IRF3: variants seen among roughly 807,000 people sequenced by gnomAD.
IRF3 encodes interferon regulatory factor 3.
A neutral mutation model predicts 43.2 loss-of-function variants in IRF3; 29 were observed. That is an observed-to-expected ratio of 0.67 (90% confidence interval 0.50 to 0.91). IRF3 has a LOEUF of 0.91. Ranked by LOEUF, IRF3 falls within the 40% of genes least tolerant of loss-of-function variation. The probability of loss-of-function intolerance (pLI) is 0.00; values close to 1 mark genes in which losing one functional copy is unlikely to be tolerated. For synonymous variants in IRF3, 228 were observed against 233.9 expected, an observed-to-expected ratio of 0.97 and a Z score of 0.23; for missense variants, 505 against 559.1, an observed-to-expected ratio of 0.90 and a Z score of 0.98.
At chr19:49,660,674 C>A (rs556869973) in intron 7 of IRF3, 39 bp downstream of exon 7, 1 of 1,518,960 alleles carries the variant, frequency 6.6e-7, no homozygotes, top group Non-Finnish European at 8.8e-7. Context: ...CTCTGTAAGG[C>A]CACCCCTTTC....
At position 49,660,693 on chromosome 19, in the gene IRF3, G is replaced by C. The variant is rs368175927; in HGVS notation, c.1098+20C>G. ...GTAAGGCCACCCCTTTCAGCCCCAG[G>C]GACTCAGGTCTGCAGGCACCTTGAC... On this transcript the variant is annotated intron_variant, in intron 7 of 7. Coordinates refer to ENST00000377139, the MANE Select transcript of IRF3 (RefSeq NM_001571.6). 102 of 1,564,178 alleles carry C rather than the reference G, an allele frequency of 6.5e-5. No individual in the cohort carries two copies. Among genetic ancestry groups the C allele is most frequent in the Non-Finnish European group, 8.4e-5 (97 of 1,155,194 alleles).
intron 4 of IRF3, 83 bp from the exon 5 acceptor site, chr19:49,662,700 A>C: frequency 8.7e-7 from 1 of 1,154,884 alleles, no homozygotes; most frequent in Non-Finnish European, 1.2e-6. Flanking sequence ...GTTCTCAGCA[A>C]CGCAGGGAGG....
Position 49,659,836 on chromosome 19 carries a change from G to A in IRF3, c.1099-3C>T, listed in dbSNP as rs1434335377. ...GCCCTGAGGCACGTGGGCACAACCT[G>A]CAGGGGAAGTGGGGACAGGAGTCAG... On this transcript the variant is annotated splice_region_variant and splice_polypyrimidine_tract_variant and intron_variant, in intron 7 of 7. Coordinates refer to ENST00000377139, the MANE Select transcript of IRF3 (RefSeq NM_001571.6). 2 of 1,576,948 alleles carry A rather than the reference G, an allele frequency of 1.3e-6. No homozygotes were observed. Among genetic ancestry groups the A allele is most frequent in the African/African-American group, 1.3e-5 (1 of 74,356 alleles).
chr19:49,661,216 C>T (rs1015498873), intron 6 of IRF3, among the ~76,000 whole-genome samples: 2 of 152,230 alleles, frequency 1.3e-5, no homozygotes, highest in Admixed American at 6.5e-5. Context: ...AAACGAATCA[C>T]GTCCTGGTTG....
chr19:49,665,273 A>G (rs2081624604), intron 1 of IRF3: 1 of 179,480 alleles, frequency 5.6e-6, no homozygotes, highest in Admixed American at 5.6e-5. Context: ...CCCCTACAGA[A>G]GATCTCCCAA....
rs141262713 is a variant in IRF3 at position 49,662,081 on chromosome 19, G to C, written c.849C>G (p.Ala283=). The C allele has an allele frequency of 8.7e-6, 14 of 1,613,790 alleles. No homozygotes were observed. In the African/African-American group the frequency reaches 1.3e-4, roughly 15 times the overall value. ...ALWRAGQWLW[A]QRLGHCHTYW... is the part of the protein sequence containing the mutation. Reference sequence around the variant, plus strand: ...ATGTGTGGCAGTGCCCCAGCCGCTGGGCCCAGAGCCACTGCCCGGCCCGCC... The same window carrying C: ...ATGTGTGGCAGTGCCCCAGCCGCTGCGCCCAGAGCCACTGCCCGGCCCGCC... The change falls in exon 6 of 8, where the codon GCC becomes GCG. Residue 283 remains alanine (A), a synonymous_variant. Coordinates refer to ENST00000377139, the MANE Select transcript of IRF3 (RefSeq NM_001571.6).
At chr19:49,661,745 A>G (rs979156237) in intron 6 of IRF3, 6 of 601,072 alleles carry the variant, frequency 1.0e-5, no homozygotes, top group Admixed American at 5.7e-5. Flanking sequence ...ACGCCCGACT[A>G]TTTTTTTGTA....
chr19:49,661,210 G>A (rs868710419), intron 6 of IRF3, among the ~76,000 whole-genome samples: 7 of 152,206 alleles, frequency 4.6e-5, no homozygotes, highest in African/African-American at 1.7e-4. Flanking sequence ...CAATTAAAAC[G>A]AATCACGTCC....
At chr19:49,662,822 G>A (rs1205434679) in intron 4 of IRF3, among the ~76,000 whole-genome samples, 2 of 152,202 alleles carry the variant, frequency 1.3e-5, no homozygotes, top group Non-Finnish European at 2.9e-5. Flanking sequence ...TCCAACCCAA[G>A]GATCTGGCTC....
rs2081194296 is a variant in IRF3 at position 49,659,733 on chromosome 19, G to A, written c.1199C>T (p.Pro400Leu). The change falls in exon 8 of 8, where the codon CCA becomes CTA. Residue 400 changes from proline to leucine, a missense_variant. Pro to Leu is a moderately conservative substitution (Grantham distance 98). Transcript: ENST00000377139. ...GTACTGGTCGGAGGTGAGGGAGAGT[G>A]GGTGGCTGTTGGAAATGTGCAGGTC... Reference protein sequence around the residue: ...TVDLHISNSHPLSLTSDQYKA... With the variant: ...TVDLHISNSHLLSLTSDQYKA... 1.9e-6 allele frequency: 3 copies of A among 1,613,910 alleles called. No individual in the cohort carries two copies. Among genetic ancestry groups the A allele is most frequent in the African/African-American group, 2.7e-5 (2 of 74,986 alleles).
chr19:49,665,008 C>G (rs778725840), intron 1 of IRF3, 162 bp from the exon 2 acceptor site: 28 of 710,372 alleles, frequency 3.9e-5, no homozygotes, highest in Non-Finnish European at 5.9e-5. Context: ...TCCTCCCATC[C>G]TCCCGAGAGG....
Position 49,662,379 on chromosome 19 carries a change from G to A in IRF3, c.601+46C>T, listed in dbSNP as rs768695850. 6.2e-6 allele frequency: 10 copies of A among 1,601,264 alleles called. No individual in the cohort carries two copies. In the Middle Eastern group the frequency reaches 6.6e-4, roughly 106 times the overall value. ...AGGGGAGAGGGGTTGAGAATCAGGG[G>A]CTGCCGCCCAGACCTCAGCCCTCCC... On this transcript the variant is annotated intron_variant, in intron 5 of 7. Coordinates refer to ENST00000377139, the MANE Select transcript of IRF3 (RefSeq NM_001571.6).
At chr19:49,664,550 C>T in intron 2 of IRF3, 124 bp downstream of exon 2, 1 of 1,604,198 alleles carries the variant, frequency 6.2e-7, no homozygotes. Flanking sequence ...TAGCCCCACC[C>T]ACCAGCGTTG....
Position 49,662,140 on chromosome 19 carries a change from C to T in IRF3, c.790G>A (p.Val264Met), listed in dbSNP as rs1389871899. The T allele has an allele frequency of 2.5e-6, 4 of 1,614,106 alleles. No individual in the cohort carries two copies. The highest frequency in any genetic ancestry group is 2.5e-6 in the Non-Finnish European group (3 of 1,179,988). ...DRGVMSYVRH[V>M]LSCLGGGLAL... ...AGTCCCCCACCCAGGCAGCTCAGCA[C>T]ATGCCTCACGTAGCTCATCACTCCC... Residue 264 changes from valine to methionine, a missense_variant, in exon 6 of 8, where the codon GTG becomes ATG. Coordinates refer to ENST00000377139, the MANE Select transcript of IRF3 (RefSeq NM_001571.6).
In IRF3 at chr19:49,663,362, G is replaced by C. The variant is rs1403849112; in HGVS notation, c.318C>G (p.Ile106Met). Residue 106 changes from isoleucine to methionine, a missense_variant, in exon 3 of 8, where the codon ATC (isoleucine) becomes ATG (methionine). Coordinates refer to ENST00000377139, the MANE Select transcript of IRF3 (RefSeq NM_001571.6). ...RSKDPHDPHK[I>M]YEFVNSGVGD... The stretch of plus-strand genomic sequence containing the variant: ...GCAGACCTGAGTTCACAAACTCGTA[G>C]ATTTTATGTGGGTCGTGAGGGTCCT... The C allele has an allele frequency of 6.2e-7, 1 of 1,614,220 alleles. No individual in the cohort carries two copies.
chr19:49,660,029 C>CACACACACACACACACA (rs1568452113), intron 7 of IRF3, among the ~76,000 whole-genome samples, 196 bp from the exon 8 acceptor site: 13 of 48,560 alleles, frequency 2.7e-4, no homozygotes, highest in East Asian at 2.0e-3. Flanking sequence ...ACACACACAC[C>CACACACACACACACACA]CCCTGCTGTA....
intron 6 of IRF3, 73 bp downstream of exon 6, chr19:49,661,875 G>A (rs972894406): frequency 1.1e-5 from 17 of 1,517,788 alleles, no homozygotes; most frequent in Middle Eastern, 2.0e-4. Context: ...CACCGTGCCC[G>A]GCCAATCCTG....
chr19:49,660,807 C>T lies in IRF3; in HGVS notation c.1004G>A (p.Gly335Glu), dbSNP rs1226124645. 6 of 1,605,174 alleles carry T rather than the reference C, an allele frequency of 3.7e-6. No individual in the cohort carries two copies. The Admixed American group carries it at 5.1e-5, about 14-fold the overall frequency. The stretch of plus-strand genomic sequence containing the variant: ...GGCATAGCGTGGTGAGCGTCCGCTT[C>T]CTTCCGTGAAGGTAATCAGATCTGG... ...FIVDLITFTE[G>E]SGRSPRYALW... The change falls in exon 7 of 8, where the codon GGA (glycine) becomes GAA (glutamate). Residue 335 changes from glycine (G) to glutamate (E), a missense_variant. Gly to Glu is a moderately conservative substitution (Grantham distance 98). Coordinates refer to ENST00000377139, the MANE Select transcript of IRF3 (RefSeq NM_001571.6).
intron 2 of IRF3, among the ~76,000 whole-genome samples, chr19:49,664,134 A>G (rs995107767): frequency 1.6e-4 from 24 of 152,240 alleles, no homozygotes; most frequent in African/African-American, 5.5e-4. Context: ...GCAAAGTGCT[A>G]GGATTACAGG....
Sources: allele counts gnomAD v4.1 joint callset (sites outside exome capture counted in the v4.1 genomes callset), GRCh38; gene constraint gnomAD v4.1.1; transcripts MANE v1.5; gene names NCBI Gene and HGNC (gene_info 2026-07-23, HGNC 2026-07-21).